COMMD1: variants seen among roughly 807,000 people sequenced by gnomAD.
The protein encoded by COMMD1 is COMM domain-containing protein 1.
In COMMD1, 10 loss-of-function variants were observed where a neutral mutation model predicts 17.2. The ratio of observed to expected loss-of-function variants is 0.58; its 90% CI spans 0.36 to 0.99. The LOEUF (loss-of-function observed/expected upper bound fraction) is 0.99. Ranked by LOEUF, COMMD1 falls within the 50% of genes least tolerant of loss-of-function variation. COMMD1 has a pLI of 0.01. For synonymous variants in COMMD1, 97 were observed against 91.6 expected, an observed-to-expected ratio of 1.06 and a Z score of -0.34; for missense variants, 270 against 231.8, an observed-to-expected ratio of 1.17 and a Z score of -1.07.
chr2:62,086,252 G>T (rs1010178460), intron 2 of COMMD1, among the ~76,000 whole-genome samples: 11 of 152,090 alleles, frequency 7.2e-5, no homozygotes, highest in African/African-American at 2.7e-4. Flanking sequence ...GCTCAAGCCT[G>T]TAAACCCAGC....
chr2:61,948,471 C>T (rs1471630842), intron 1 of COMMD1, among the ~76,000 whole-genome samples: 1 of 152,004 alleles, frequency 6.6e-6, no homozygotes, highest in Non-Finnish European at 1.5e-5. Flanking sequence ...TGGGTAATAC[C>T]ATCTGGAGGT....
chr2:62,011,158 A>G (rs1014706180), intron 2 of COMMD1, among the ~76,000 whole-genome samples: 2 of 152,052 alleles, frequency 1.3e-5, no homozygotes, highest in African/African-American at 4.8e-5. Flanking sequence ...TTAGGCCTTC[A>G]CCAGCTACCT....
intron 2 of COMMD1, among the ~76,000 whole-genome samples, chr2:62,054,744 A>G (rs1449217831): frequency 6.6e-6 from 1 of 152,144 alleles, no homozygotes; most frequent in Non-Finnish European, 1.5e-5. Flanking sequence ...ATGATCTGAA[A>G]TTGGTTAGTG....
intron 1 of COMMD1, among the ~76,000 whole-genome samples, chr2:61,897,665 C>G (rs1030915639): frequency 6.6e-6 from 1 of 152,080 alleles, no homozygotes; most frequent in Non-Finnish European, 1.5e-5. Flanking sequence ...AGGAGAATCG[C>G]GTGAACCCAG....
chr2:61,895,381 G>A (rs1055869742), intron 1 of COMMD1, among the ~76,000 whole-genome samples: 1 of 152,182 alleles, frequency 6.6e-6, no homozygotes, highest in Non-Finnish European at 1.5e-5. Context: ...TAGCAGACTC[G>A]TTGATCGAGG....
chr2:61,921,626 G>A (rs1670199421), intron 1 of COMMD1, among the ~76,000 whole-genome samples: 1 of 152,226 alleles, frequency 6.6e-6, no homozygotes, highest in African/African-American at 2.4e-5. Context: ...TGTATTTTTA[G>A]TAGAGACGGG....
intron 2 of COMMD1, among the ~76,000 whole-genome samples, chr2:62,057,613 A>G (rs1225826880): frequency 6.6e-6 from 1 of 152,030 alleles, no homozygotes; most frequent in African/African-American, 2.4e-5. Flanking sequence ...TTTTTTAGAG[A>G]TAGAGTCTTA....
intron 1 of COMMD1, among the ~76,000 whole-genome samples, chr2:61,986,709 C>T (rs561357078): frequency 1.2e-4 from 18 of 151,694 alleles, no homozygotes; most frequent in African/African-American, 3.9e-4. Flanking sequence ...GCTGGGACTG[C>T]AGGCAAGCGC....
chr2:62,002,697 A>G (rs1668983693), intron 2 of COMMD1, among the ~76,000 whole-genome samples: 1 of 150,050 alleles, frequency 6.7e-6, no homozygotes, highest in Non-Finnish European at 1.5e-5. Flanking sequence ...CAAAACAACA[A>G]CAACAACAAA....
intron 2 of COMMD1, among the ~76,000 whole-genome samples, chr2:62,040,894 A>G (rs1215038868): frequency 6.6e-6 from 1 of 152,180 alleles, no homozygotes; most frequent in Non-Finnish European, 1.5e-5. Context: ...TACTTTTAGT[A>G]GAGATGGGGT....
intron 1 of COMMD1, among the ~76,000 whole-genome samples, chr2:61,946,614 T>C (rs1431044293): frequency 6.6e-6 from 1 of 152,158 alleles, no homozygotes; most frequent in Non-Finnish European, 1.5e-5. Flanking sequence ...CTAGTTTTAC[T>C]ACACTATTAC....
At chr2:61,914,318 C>G (rs1669994071) in intron 1 of COMMD1, among the ~76,000 whole-genome samples, 1 of 152,106 alleles carries the variant, frequency 6.6e-6, no homozygotes, top group Non-Finnish European at 1.5e-5. Context: ...CTCCTGAGAT[C>G]TGTAGTAAAT....
chr2:62,107,807 A>C (rs530617906), intron 2 of COMMD1, among the ~76,000 whole-genome samples: 132 of 152,188 alleles, frequency 8.7e-4, no homozygotes, highest in Non-Finnish European at 1.7e-3. Flanking sequence ...TTTTTGAAAA[A>C]ATGGAAAGAA....
chr2:62,002,491 GAAAAAAAAAA>G (rs11310507), intron 2 of COMMD1, among the ~76,000 whole-genome samples: 62 of 35,086 alleles, frequency 1.8e-3, no homozygotes, highest in African/African-American at 5.4e-3. Context: ...GATTCCACCA[GAAAAAAAAAA>G]AAAAAAAAAA....
intron 2 of COMMD1, among the ~76,000 whole-genome samples, chr2:62,039,970 G>A (rs755374635): frequency 9.2e-5 from 14 of 152,156 alleles, no homozygotes; most frequent in Non-Finnish European, 1.6e-4. Context: ...TAAGAGTACC[G>A]CTTAGCTGGG....
intron 1 of COMMD1, among the ~76,000 whole-genome samples, chr2:61,974,153 G>A (rs985693780): frequency 2.0e-5 from 3 of 152,210 alleles, no homozygotes; most frequent in Middle Eastern, 3.4e-3. Flanking sequence ...AATTAACCTG[G>A]TGTGGTGGCA....
rs568768425 is a variant in COMMD1, at chr2:62,035,277, A to T, written c.462+34295A>T. On this transcript the variant is annotated intron_variant, in intron 2 of 2. Transcript: ENST00000311832. Reference sequence around the variant, plus strand: ...TTCACAATATACTTATTTTCCCTTTATTCCAATACATATTTATTAGGCTAG... The same window carrying T: ...TTCACAATATACTTATTTTCCCTTTTTTCCAATACATATTTATTAGGCTAG... Among the ~76,000 whole-genome samples the T allele has an allele frequency of 4.6e-5, 7 of 152,328 alleles. No individual in the cohort carries two copies. The South Asian group carries it at 1.5e-3, about 32-fold the overall frequency.
chr2:62,012,571 G>A (rs1466145192), intron 2 of COMMD1, among the ~76,000 whole-genome samples: 1 of 151,924 alleles, frequency 6.6e-6, no homozygotes, highest in Admixed American at 6.6e-5. Context: ...ACCCGCCTGG[G>A]CCTCCCAAAG....
chr2:62,045,752 T>A (rs2103906678), intron 2 of COMMD1, among the ~76,000 whole-genome samples: 1 of 144,768 alleles, frequency 6.9e-6, no homozygotes. Context: ...TTTTTTTTTT[T>A]TTTGAGACAG....
Sources: gnomAD v4.1 joint callset for allele counts (sites outside exome capture counted in the v4.1 genomes callset) on GRCh38, gnomAD v4.1.1 for gene constraint, MANE v1.5 for transcripts, NCBI Gene and HGNC (gene_info 2026-07-23, HGNC 2026-07-21) for gene names.